The following CNN3 variants were observed in gnomAD, a reference collection of about 807,000 sequenced individuals.
CNN3 encodes calponin-3.
In CNN3, 11 loss-of-function variants were observed where a neutral mutation model predicts 39.0. That is an observed-to-expected ratio of 0.28 (90% CI 0.18 to 0.47). The LOEUF is 0.47. CNN3 is among the 20% of genes least tolerant of loss of function. The pLI, the probability that CNN3 is intolerant of heterozygous loss-of-function variation, is 0.99. For synonymous variants in CNN3, 101 were observed against 138.3 expected (o/e 0.73, Z 1.89); for missense variants, 266 against 403.4 (o/e 0.66, Z 2.92).
chr1:94,927,109 C>T lies in CNN3; in HGVS notation c.-215G>A, dbSNP rs1571542671. 4.2e-6 allele frequency: 2 copies of T among 477,116 alleles called. No individual in the cohort carries two copies. Among genetic ancestry groups the T allele is most frequent in the Non-Finnish European group, 7.3e-6 (2 of 273,216 alleles). The allele number at this position is 477,116 out of a possible 1,614,324, so 29.6% of individuals were successfully genotyped here. ...TCGAGCTCCGCTGCGAAGCACCCGG[C>T]TGCCTCGCTCGCCGCCCGCACCTCG... On this transcript the variant is annotated 5_prime_UTR_variant, in exon 1 of 7. Transcript: ENST00000370206.
chr1:94,897,718 A>T lies in CNN3; in HGVS notation c.*24T>A. ...TCACTGAATAAAAACAAAGGACTAA[A>T]TACTGAGCTCCTTCTGTGTGGATCT... On this transcript the variant is annotated 3_prime_UTR_variant, in exon 7 of 7. Coordinates refer to ENST00000370206, the MANE Select transcript of CNN3 (RefSeq NM_001839.5). 6.3e-7 allele frequency: 1 copy of T among 1,597,144 alleles called. No homozygotes were observed. Among genetic ancestry groups the T allele is most frequent in the Non-Finnish European group, 8.6e-7 (1 of 1,168,072 alleles).
At chr1:94,922,573 G>T (rs928688867) in intron 1 of CNN3, among the ~76,000 whole-genome samples, 3 of 152,150 alleles carry the variant, frequency 2.0e-5, no homozygotes, top group African/African-American at 7.2e-5. Flanking sequence ...GAACTTCCAA[G>T]TTTAAAAAGA....
intron 1 of CNN3, among the ~76,000 whole-genome samples, chr1:94,911,861 G>A (rs1671175149): frequency 6.6e-6 from 1 of 152,114 alleles, no homozygotes; most frequent in Non-Finnish European, 1.5e-5. Flanking sequence ...CCTGAGGTCA[G>A]GAGTTTGAGC....
intron 1 of CNN3, among the ~76,000 whole-genome samples, chr1:94,906,970 T>G (rs1671016479): frequency 6.6e-6 from 1 of 152,202 alleles, no homozygotes; most frequent in African/African-American, 2.4e-5. Flanking sequence ...GTAAGAAGTT[T>G]TCACCTTCTC....
chr1:94,917,931 C>G (rs757525893), intron 1 of CNN3, among the ~76,000 whole-genome samples: 5 of 152,128 alleles, frequency 3.3e-5, no homozygotes, highest in Non-Finnish European at 5.9e-5. Flanking sequence ...AGCAGGGATT[C>G]GGACCCAGAT....
At position 94,927,032 on chromosome 1, in the gene CNN3, C is replaced by A; in HGVS notation, c.-138G>T. The A allele has an allele frequency of 1.1e-6, 1 of 926,026 alleles. No homozygotes were observed. Among genetic ancestry groups the A allele is most frequent in the Non-Finnish European group, 1.6e-6 (1 of 623,384 alleles). The allele number at this position is 926,026 out of a possible 1,614,324, so 57.4% of individuals were successfully genotyped here. A position where few individuals can be genotyped will look rare whatever the true frequency, so the allele number is the denominator to read the frequency against. On this transcript the variant is annotated 5_prime_UTR_variant, in exon 1 of 7. Transcript: ENST00000370206. Reference sequence around the variant, plus strand: ...CTCTGGGAGGCGCAGGAGACGGCCGCGGGGCGCGGGCGGTGCCTGGGCGAC... The same window carrying A: ...CTCTGGGAGGCGCAGGAGACGGCCGAGGGGCGCGGGCGGTGCCTGGGCGAC...
At position 94,927,031 on chromosome 1, in the gene CNN3, G is replaced by C. The variant is rs913776414; in HGVS notation, c.-137C>G. ...CCTCTGGGAGGCGCAGGAGACGGCC[G>C]CGGGGCGCGGGCGGTGCCTGGGCGA... is the stretch of plus-strand genomic sequence containing the variant. On this transcript the variant is annotated 5_prime_UTR_variant, in exon 1 of 7. Coordinates refer to ENST00000370206, the MANE Select transcript of CNN3 (RefSeq NM_001839.5). 1.1e-6 allele frequency: 1 copy of C among 933,692 alleles called. No homozygotes were observed. Among genetic ancestry groups the C allele is most frequent in the African/African-American group, 1.7e-5 (1 of 57,908 alleles). The allele number at this position is 933,692 out of a possible 1,614,324, so 57.8% of individuals were successfully genotyped here.
chr1:94,913,417 T>C (rs1671213211), intron 1 of CNN3, among the ~76,000 whole-genome samples: 1 of 152,202 alleles, frequency 6.6e-6, no homozygotes, highest in Admixed American at 6.5e-5. Flanking sequence ...TACACAGAGT[T>C]ACCTTGTCTA....
Position 94,897,568 on chromosome 1 carries a change from CTA to C in CNN3, c.*172_*173del, listed in dbSNP as rs1670756661. 1.7e-6 allele frequency: 1 copy of C among 593,552 alleles called. No individual in the cohort carries two copies. Among genetic ancestry groups the C allele is most frequent in the Admixed American group, 3.0e-5 (1 of 33,072 alleles). The allele number at this position is 593,552 out of a possible 1,614,324, so 36.8% of individuals were successfully genotyped here. A position where few individuals can be genotyped will look rare whatever the true frequency, so the allele number is the denominator to read the frequency against. On this transcript the variant is annotated 3_prime_UTR_variant, in exon 7 of 7. Transcript: ENST00000370206. ...TAACTATTACAGCACTAAAAGGCAA[CTA>C]TTGAGGGAAGAGGCAGAAAAAGGAA...
intron 6 of CNN3, among the ~76,000 whole-genome samples, chr1:94,899,011 T>A (rs1670793195): frequency 6.6e-6 from 1 of 152,058 alleles, no homozygotes; most frequent in Non-Finnish European, 1.5e-5. Flanking sequence ...AAATCCTTCT[T>A]AGTGGAACAC....
At chr1:94,923,149 C>T (rs766906512) in intron 1 of CNN3, among the ~76,000 whole-genome samples, 5 of 152,190 alleles carry the variant, frequency 3.3e-5, no homozygotes, top group Non-Finnish European at 7.3e-5. Flanking sequence ...TCCAACTTTA[C>T]GGGAAACTAC....
At chr1:94,909,741 G>A (rs2101728050) in intron 1 of CNN3, among the ~76,000 whole-genome samples, 1 of 151,954 alleles carries the variant, frequency 6.6e-6, no homozygotes, top group East Asian at 1.9e-4. Context: ...CTCAGAAAGG[G>A]AGAAAGAGTA....
intron 1 of CNN3, among the ~76,000 whole-genome samples, chr1:94,913,068 A>C (rs1316257662): frequency 6.6e-6 from 1 of 152,172 alleles, no homozygotes; most frequent in African/African-American, 2.4e-5. Context: ...GGAAACTGGG[A>C]ATCAGAAGGA....
At chr1:94,901,644 G>T in intron 5 of CNN3, 25 bp downstream of exon 5, 1 of 1,460,698 alleles carries the variant, frequency 6.8e-7, no homozygotes, top group South Asian at 1.1e-5. Context: ...ATAAGTAATT[G>T]AATAAGCAAC....
At chr1:94,907,137 CA>C (rs1198940786) in intron 1 of CNN3, among the ~76,000 whole-genome samples, 1 of 152,148 alleles carries the variant, frequency 6.6e-6, no homozygotes. Flanking sequence ...TGACCACGTG[CA>C]CAGAAGAAAT....
rs1670886045 is a variant in CNN3, at chr1:94,902,146, G to C, written c.359C>G (p.Thr120Ser). ...CAGACCTGCTAGAGCCACCAGAGTA[G>C]TCTGAACCTGGGTCATGTTTCCATT... Reference protein sequence around the residue: ...FENGNMTQVQTTLVALAGLAK... With the variant: ...FENGNMTQVQSTLVALAGLAK... Residue 120 changes from threonine to serine, a missense_variant, in exon 4 of 7, where the codon ACT becomes AGT. By Grantham distance (58) the Thr-to-Ser change is moderately conservative. Transcript: ENST00000370206. 6.2e-7 allele frequency: 1 copy of C among 1,613,232 alleles called. No individual in the cohort carries two copies. The highest frequency in any genetic ancestry group is 1.1e-5 in the South Asian group (1 of 91,078).
At chr1:94,913,059 G>A (rs190363051) in intron 1 of CNN3, among the ~76,000 whole-genome samples, 180 of 152,220 alleles carry the variant, frequency 1.2e-3, no homozygotes, top group African/African-American at 3.9e-3. Context: ...ACTTATTAAG[G>A]AAACTGGGAA....
chr1:94,904,044 C>A (rs1420313528), intron 1 of CNN3, among the ~76,000 whole-genome samples: 11 of 152,164 alleles, frequency 7.2e-5, no homozygotes, highest in Admixed American at 5.9e-4. Flanking sequence ...CACACACACA[C>A]ACTTTCCTCA....
At chr1:94,905,840 C>A (rs1457859120) in intron 1 of CNN3, among the ~76,000 whole-genome samples, 1 of 152,136 alleles carries the variant, frequency 6.6e-6, no homozygotes, top group Non-Finnish European at 1.5e-5. Flanking sequence ...AGATTACAGG[C>A]ATGAGCCACC....
Sources: gnomAD v4.1 joint callset for allele counts (sites outside exome capture counted in the v4.1 genomes callset) on GRCh38, gnomAD v4.1.1 for gene constraint, MANE v1.5 for transcripts, NCBI Gene and HGNC (gene_info 2026-07-23, HGNC 2026-07-21) for gene names.